Variants in LDB2 observed in about 807,000 individuals in gnomAD.
The protein encoded by LDB2 is LIM domain-binding protein 2.
In LDB2, 12 loss-of-function variants were observed where a neutral mutation model predicts 44.3. That is an observed-to-expected ratio of 0.27 (90% CI 0.17 to 0.44). LDB2 has a LOEUF of 0.44. Ranked by LOEUF, LDB2 falls within the 20% of genes least tolerant of loss-of-function variation. The pLI is 1.00. For synonymous variants in LDB2, 164 were observed against 174.8 expected (o/e 0.94, Z 0.49); for missense variants, 344 against 473.5 (o/e 0.73, Z 2.54).
At chr4:16,843,635 T>G (rs533866137) in intron 1 of LDB2, among the ~76,000 whole-genome samples, 93 of 152,348 alleles carry the variant, frequency 6.1e-4, no homozygotes, top group African/African-American at 2.1e-3. Flanking sequence ...TTGTTTTTGT[T>G]TTCTGAGACA....
At chr4:16,534,501 T>A (rs1236927202) in intron 5 of LDB2, among the ~76,000 whole-genome samples, 3 of 152,224 alleles carry the variant, frequency 2.0e-5, no homozygotes, top group Non-Finnish European at 4.4e-5. Context: ...TGCTAAAGGC[T>A]TATGCTAGTT....
intron 1 of LDB2, among the ~76,000 whole-genome samples, chr4:16,887,226 A>T (rs1420258019): frequency 6.6e-6 from 1 of 151,432 alleles, no homozygotes; most frequent in Non-Finnish European, 1.5e-5. Flanking sequence ...ACTTGAAAAA[A>T]AAAAAAAAGA....
chr4:16,542,891 A>G (rs35288667), intron 5 of LDB2, among the ~76,000 whole-genome samples: 41,048 of 150,690 alleles, frequency 0.27, 6,526 homozygotes, highest in African/African-American at 0.43. Flanking sequence ...CATGATTTAT[A>G]TTAGGTATAT....
intron 2 of LDB2, among the ~76,000 whole-genome samples, chr4:16,657,215 T>G (rs1740124515): frequency 6.6e-6 from 1 of 152,236 alleles, no homozygotes; most frequent in South Asian, 2.1e-4. Flanking sequence ...ATGTGGTTCC[T>G]AGAATGTGGT....
intron 2 of LDB2, among the ~76,000 whole-genome samples, chr4:16,693,771 C>T (rs558349340): frequency 1.0e-3 from 159 of 152,288 alleles, no homozygotes; most frequent in Admixed American, 3.9e-3. Flanking sequence ...GCAGCACTTC[C>T]CTGCAAATAC....
intron 2 of LDB2, among the ~76,000 whole-genome samples, chr4:16,756,997 T>C (rs1026504583): frequency 6.6e-6 from 1 of 151,928 alleles, no homozygotes; most frequent in Non-Finnish European, 1.5e-5. Context: ...AGCCAAATCT[T>C]ATTTTCCTCA....
chr4:16,541,271 T>A (rs1210955660), intron 5 of LDB2, among the ~76,000 whole-genome samples: 1 of 152,046 alleles, frequency 6.6e-6, no homozygotes, highest in Non-Finnish European at 1.5e-5. Flanking sequence ...CATAGTGAGT[T>A]TTTATGAGAT....
In LDB2 at chr4:16,548,359, A is replaced by C. The variant is rs1024557029; in HGVS notation, c.616-36255T>G. Reference sequence around the variant, plus strand: ...GCTTCTGATCCCAAATCTTTCCTTCATCTGCAATGCTCTTCCTCTTTCCAC... The same window carrying C: ...GCTTCTGATCCCAAATCTTTCCTTCCTCTGCAATGCTCTTCCTCTTTCCAC... On this transcript the variant is annotated intron_variant, in intron 5 of 7. Coordinates refer to ENST00000304523, the MANE Select transcript of LDB2 (RefSeq NM_001290.5). Among the ~76,000 whole-genome samples the C allele has an allele frequency of 2.0e-5, 3 of 151,900 alleles. No individual in the cohort carries two copies. In the Middle Eastern group the frequency reaches 9.5e-3, roughly 481 times the overall value.
intron 2 of LDB2, among the ~76,000 whole-genome samples, chr4:16,740,870 A>G (rs530147532): frequency 2.7e-4 from 41 of 152,224 alleles, no homozygotes; most frequent in Non-Finnish European, 4.4e-4. Context: ...AATAGAAAAA[A>G]TCTTATCCTC....
At chr4:16,721,130 C>T (rs1758181188) in intron 2 of LDB2, among the ~76,000 whole-genome samples, 1 of 152,126 alleles carries the variant, frequency 6.6e-6, no homozygotes, top group South Asian at 2.1e-4. Flanking sequence ...ATAAAACTGT[C>T]CTTAAATGAC....
At chr4:16,883,444 A>G (rs1347053229) in intron 1 of LDB2, among the ~76,000 whole-genome samples, 3 of 152,206 alleles carry the variant, frequency 2.0e-5, no homozygotes, top group East Asian at 1.9e-4. Flanking sequence ...CACACATTCA[A>G]TGCACAAAGC....
At chr4:16,599,752 C>A (rs115540983) in intron 2 of LDB2, among the ~76,000 whole-genome samples, 1 of 152,196 alleles carries the variant, frequency 6.6e-6, no homozygotes, top group Non-Finnish European at 1.5e-5. Flanking sequence ...AGAAATCATT[C>A]TATTGATCAT....
intron 1 of LDB2, among the ~76,000 whole-genome samples, chr4:16,773,439 A>G (rs1442193032): frequency 6.6e-6 from 1 of 152,216 alleles, no homozygotes; most frequent in Non-Finnish European, 1.5e-5. Context: ...TCCCATTGGC[A>G]TATGATGGGA....
At chr4:16,772,034 T>C (rs1770822867) in intron 1 of LDB2, among the ~76,000 whole-genome samples, 1 of 152,162 alleles carries the variant, frequency 6.6e-6, no homozygotes, top group South Asian at 2.1e-4. Context: ...ATCTAGGTTC[T>C]TACCTTGGGG....
Position 16,539,905 on chromosome 4 carries a change from A to G in LDB2, c.616-27801T>C, listed in dbSNP as rs531670346. Among the ~76,000 whole-genome samples, 4 of 152,280 alleles carry G rather than the reference A, an allele frequency of 2.6e-5. No homozygotes were observed. In the South Asian group the frequency reaches 6.2e-4, roughly 24 times the overall value. ...TGTATTAGTCCATTCTCACATTGCT[A>G]TAAAGGACTACCTGAGACTGGGTAA... On this transcript the variant is annotated intron_variant, in intron 5 of 7. Coordinates refer to ENST00000304523, the MANE Select transcript of LDB2 (RefSeq NM_001290.5).
chr4:16,522,523 T>C (rs532528363), intron 5 of LDB2, among the ~76,000 whole-genome samples: 2 of 152,190 alleles, frequency 1.3e-5, no homozygotes, highest in Non-Finnish European at 2.9e-5. Flanking sequence ...TTAAAATATA[T>C]GAGCAAAAGT....
chr4:16,745,340 C>T (rs1320359125), intron 2 of LDB2, among the ~76,000 whole-genome samples: 5 of 152,088 alleles, frequency 3.3e-5, no homozygotes, highest in South Asian at 4.2e-4. Flanking sequence ...GGGGAGACTG[C>T]GGGGATTTAA....
chr4:16,766,448 A>G (rs1319559613), intron 1 of LDB2, among the ~76,000 whole-genome samples: 1 of 137,702 alleles, frequency 7.3e-6, no homozygotes, highest in Non-Finnish European at 1.6e-5. Flanking sequence ...ATGTGTGTGT[A>G]TATATATACA....
chr4:16,848,741 C>A (rs1787590323), intron 1 of LDB2, among the ~76,000 whole-genome samples: 1 of 152,168 alleles, frequency 6.6e-6, no homozygotes, highest in Non-Finnish European at 1.5e-5. Flanking sequence ...ATATTTTAAT[C>A]TTCTGTTTCC....
Sources: allele counts gnomAD v4.1 joint callset (sites outside exome capture counted in the v4.1 genomes callset), GRCh38; gene constraint gnomAD v4.1.1; transcripts MANE v1.5; gene names NCBI Gene and HGNC (gene_info 2026-07-23, HGNC 2026-07-21).